The following LCOR variants were observed in gnomAD, a reference collection of about 807,000 sequenced individuals.
LCOR encodes the protein ligand-dependent corepressor.
Under a neutral mutation model 64.4 loss-of-function variants are expected in LCOR, and 14 were observed. The observed-to-expected ratio is 0.22, with a 90% CI of 0.14 to 0.34. LCOR has a LOEUF of 0.34. LCOR is among the 10% of genes least tolerant of loss of function. The probability of loss-of-function intolerance (pLI) is 1.00; values close to 1 mark genes in which losing one functional copy is unlikely to be tolerated. For missense variants in LCOR, 1,686 were observed against 1,765.3 expected (o/e 0.96, Z 0.80); for synonymous variants, 643 against 642.5 (o/e 1.00, Z -0.01).
intron 2 of LCOR, among the ~76,000 whole-genome samples, chr10:96,878,480 AAG>A (rs1846207803): frequency 6.6e-6 from 1 of 152,208 alleles, no homozygotes; most frequent in Non-Finnish European, 1.5e-5. Context: ...AGGAGGATTA[AAG>A]AGAGGAGATT....
At chr10:96,939,283 A>G in intron 4 of LCOR, among the ~76,000 whole-genome samples, 1 of 152,206 alleles carries the variant, frequency 6.6e-6, no homozygotes, top group East Asian at 1.9e-4. Flanking sequence ...AAGATGCTGG[A>G]ACCAACTGAG....
intron 7 of LCOR, among the ~76,000 whole-genome samples, chr10:96,969,801 C>T (rs932119314): frequency 7.8e-6 from 1 of 128,980 alleles, no homozygotes. Flanking sequence ...TTTTTTGAGA[C>T]AAGAGTCTCG....
intron 7 of LCOR, chr10:96,957,756 C>T (rs1589682917): frequency 2.0e-6 from 2 of 985,362 alleles, no homozygotes; most frequent in Non-Finnish European, 2.4e-6. Flanking sequence ...TTAGGCACAC[C>T]ATTGCTGTTA....
intron 2 of LCOR, among the ~76,000 whole-genome samples, chr10:96,893,466 C>G (rs1430848218): frequency 1.3e-5 from 2 of 152,042 alleles, no homozygotes; most frequent in African/African-American, 4.8e-5. Flanking sequence ...GTGAAGAAGA[C>G]AAATTGTCCA....
intron 4 of LCOR, among the ~76,000 whole-genome samples, chr10:96,943,190 G>T (rs1428007083): frequency 1.3e-5 from 2 of 152,136 alleles, no homozygotes; most frequent in Non-Finnish European, 2.9e-5. Flanking sequence ...CCACCTCCTG[G>T]GTTCAAGCGA....
chr10:96,905,487 G>A (rs976096838), intron 2 of LCOR, among the ~76,000 whole-genome samples: 1 of 152,048 alleles, frequency 6.6e-6, no homozygotes, highest in African/African-American at 2.4e-5. Context: ...TAGGCTGTGG[G>A]ATTTATTTAT....
At chr10:96,875,711 A>G (rs1159897974) in intron 2 of LCOR, among the ~76,000 whole-genome samples, 2 of 151,896 alleles carry the variant, frequency 1.3e-5, no homozygotes, top group Non-Finnish European at 2.9e-5. Context: ...AAAATATAAG[A>G]GTTAGCTGGG....
At chr10:96,958,769 T>C (rs1326194099) in intron 7 of LCOR, 1 of 237,830 alleles carries the variant, frequency 4.2e-6, no homozygotes, top group Non-Finnish European at 8.2e-6. Context: ...TTTTTTTGAG[T>C]GTAGATTATT....
chr10:96,832,667 C>G (rs1363072395), intron 1 of LCOR, among the ~76,000 whole-genome samples: 1 of 150,662 alleles, frequency 6.6e-6, no homozygotes, highest in African/African-American at 2.4e-5. Context: ...TCCTCCCCCT[C>G]CCGCTCTCCA....
intron 2 of LCOR, among the ~76,000 whole-genome samples, chr10:96,898,990 G>A (rs1846588828): frequency 6.6e-6 from 1 of 152,144 alleles, no homozygotes; most frequent in African/African-American, 2.4e-5. Flanking sequence ...TCAATGACCG[G>A]AATACTTGGT....
At chr10:96,897,893 T>G (rs1404157653) in intron 2 of LCOR, among the ~76,000 whole-genome samples, 1 of 147,706 alleles carries the variant, frequency 6.8e-6, no homozygotes, top group African/African-American at 2.5e-5. Flanking sequence ...TTTTGTTTGG[T>G]CAGATATCTG....
chr10:96,982,035 C>G lies in LCOR; in HGVS notation c.1575C>G (p.Ser525=), dbSNP rs768564131. 5.6e-6 allele frequency: 9 copies of G among 1,614,034 alleles called. No individual in the cohort carries two copies. In the East Asian group the frequency reaches 1.8e-4, roughly 32 times the overall value. ...GTACACTGGCCAGAAATTTACACTCCCAGGAAAAAGCAAGCTGCTCAGCAT... is the reference window on the plus strand; with the variant it reads ...GTACACTGGCCAGAAATTTACACTCGCAGGAAAAAGCAAGCTGCTCAGCAT... ...TVRTLARNLH[S]QEKASCSALA... is the part of the protein sequence containing the mutation. Residue 525 remains serine (S), a synonymous_variant, in exon 8 of 8, where the codon TCC becomes TCG. Transcript: ENST00000421806.
chr10:96,928,504 G>T (rs1432338250), intron 4 of LCOR, among the ~76,000 whole-genome samples: 1 of 152,086 alleles, frequency 6.6e-6, no homozygotes, highest in Admixed American at 6.6e-5. Flanking sequence ...ACATCTTAAG[G>T]CTCCACTTCA....
intron 7 of LCOR, among the ~76,000 whole-genome samples, chr10:96,964,595 A>G (rs887918541): frequency 7.9e-5 from 12 of 152,128 alleles, no homozygotes; most frequent in African/African-American, 2.7e-4. Context: ...TTTTAGATAA[A>G]GTTGCTGCTG....
At chr10:96,841,854 C>T (rs1405921913) in intron 2 of LCOR, among the ~76,000 whole-genome samples, 1 of 151,778 alleles carries the variant, frequency 6.6e-6, no homozygotes, top group African/African-American at 2.4e-5. Flanking sequence ...CCCACCTCAA[C>T]GTCCCAAAGT....
intron 2 of LCOR, among the ~76,000 whole-genome samples, chr10:96,842,047 T>G (rs1172960436): frequency 6.6e-6 from 1 of 152,176 alleles, no homozygotes; most frequent in Admixed American, 6.5e-5. Context: ...ACGTGATTTT[T>G]TAGAGTTTTG....
At position 96,984,989 on chromosome 10, in the gene LCOR, C is replaced by T. The variant is rs764484976; in HGVS notation, c.4529C>T (p.Ala1510Val). ...AGESSSRPQK[A>V]TNRKQSSGKT... is the part of the protein sequence containing the mutation. ...GAATCCTCTTCAAGGCCTCAGAAAG[C>T]CACGAATAGGAAGCAGAGTAGTGGA... Residue 1510 changes from alanine (A) to valine (V), a missense_variant, in exon 8 of 8, where the codon GCC becomes GTC. Physicochemically the swap from Ala to Val is moderately conservative, Grantham distance 64. This residue lies in a region of LCOR where 1,293 missense variants were observed against 1,410.4 expected (regional missense o/e 0.92). Transcript: ENST00000421806. 7.4e-6 allele frequency: 12 copies of T among 1,614,138 alleles called. No homozygotes were observed. Among genetic ancestry groups the T allele is most frequent in the Non-Finnish European group, 1.0e-5 (12 of 1,180,030 alleles).
In LCOR at chr10:96,843,550, A is replaced by T. The variant is rs79476369; in HGVS notation, c.-330+10071A>T. ...GTATTTATCAAAGCTAGAAAGGATG[A>T]CGTAACTTGTTTTCTTGTCCAGCCA... On this transcript the variant is annotated intron_variant, in intron 2 of 7. Transcript: ENST00000421806. Among the ~76,000 whole-genome samples the T allele has an allele frequency of 8.3e-4, 127 of 152,314 alleles. 2 individuals carry two copies. The East Asian group carries it at 0.014, about 17-fold the overall frequency.
chr10:96,962,762 T>G (rs1157611305), intron 7 of LCOR: 1 of 152,084 alleles, frequency 6.6e-6, no homozygotes, highest in Non-Finnish European at 1.5e-5. Context: ...TATTGCTGCT[T>G]TGAAAAAAAA....
Sources: gnomAD v4.1 joint callset for allele counts (sites outside exome capture counted in the v4.1 genomes callset) on GRCh38, gnomAD v4.1.1 for gene constraint, gnomAD v4.1.1 regional missense constraint, MANE v1.5 for transcripts, NCBI Gene and HGNC (gene_info 2026-07-23, HGNC 2026-07-21) for gene names.